The following KCNQ5 variants were observed in gnomAD, a reference collection of about 807,000 sequenced individuals.
KCNQ5 encodes the protein potassium voltage-gated channel subfamily KQT member 5.
In KCNQ5, 30 loss-of-function variants were observed where a neutral mutation model predicts 98.2. The ratio of observed to expected loss-of-function variants is 0.31; its 90% CI spans 0.23 to 0.41. The LOEUF (loss-of-function observed/expected upper bound fraction) is 0.41, where lower values mean the gene tolerates loss of function less well. Ranked by LOEUF, KCNQ5 falls within the 10% of genes least tolerant of loss-of-function variation. KCNQ5 has a pLI of 1.00. For missense variants in KCNQ5, 835 were observed against 1,182.5 expected (o/e 0.71, Z 4.31); for synonymous variants, 458 against 449.4 (o/e 1.02, Z -0.24).
intron 1 of KCNQ5, among the ~76,000 whole-genome samples, chr6:72,920,990 G>GA (rs2150216924): frequency 1.3e-5 from 2 of 152,200 alleles, no homozygotes; most frequent in African/African-American, 4.8e-5. Context: ...CCTGAAACAT[G>GA]AAAAAACACT....
At chr6:72,865,686 T>A (rs552292656) in intron 1 of KCNQ5, among the ~76,000 whole-genome samples, 1 of 152,256 alleles carries the variant, frequency 6.6e-6, no homozygotes, top group East Asian at 1.9e-4. Context: ...GGGCATATCA[T>A]TTGCTTAGTT....
intron 1 of KCNQ5, among the ~76,000 whole-genome samples, chr6:72,825,331 A>G (rs1378483151): frequency 6.6e-6 from 1 of 152,028 alleles, no homozygotes; most frequent in Non-Finnish European, 1.5e-5. Context: ...ACTGTATTTC[A>G]TTTATTTACT....
intron 3 of KCNQ5, among the ~76,000 whole-genome samples, chr6:73,049,646 A>G (rs561444152): frequency 3.3e-5 from 5 of 152,170 alleles, no homozygotes; most frequent in Non-Finnish European, 7.3e-5. Context: ...TCAGTGGAAA[A>G]CCATATTACA....
At chr6:73,004,221 T>A (rs1314441017) in intron 2 of KCNQ5, among the ~76,000 whole-genome samples, 1 of 152,218 alleles carries the variant, frequency 6.6e-6, no homozygotes, top group Non-Finnish European at 1.5e-5. Context: ...CAGCAATATC[T>A]TGTGTTGTAG....
chr6:72,847,735 C>T (rs772092849), intron 1 of KCNQ5, among the ~76,000 whole-genome samples: 5 of 152,094 alleles, frequency 3.3e-5, no homozygotes, highest in African/African-American at 4.8e-5. Flanking sequence ...TATGACCAAC[C>T]ACTTGTATTT....
At position 72,985,856 on chromosome 6, in the gene KCNQ5, A is replaced by G. The variant is rs569651164; in HGVS notation, c.399-18052A>G. Among the ~76,000 whole-genome samples the G allele has an allele frequency of 3.3e-5, 5 of 152,232 alleles. No individual in the cohort carries two copies. In the South Asian group the frequency reaches 1.0e-3, roughly 32 times the overall value. ...ATCATTACACCAAAAAGACATATGTACTCCTGTGTTCATTGCTGCACTATT... is the reference window on the plus strand; with the variant it reads ...ATCATTACACCAAAAAGACATATGTGCTCCTGTGTTCATTGCTGCACTATT... On this transcript the variant is annotated intron_variant, in intron 1 of 13. Coordinates refer to ENST00000370398, the MANE Select transcript of KCNQ5 (RefSeq NM_019842.4).
At chr6:72,718,416 G>A (rs1315774154) in intron 1 of KCNQ5, among the ~76,000 whole-genome samples, 1 of 147,116 alleles carries the variant, frequency 6.8e-6, no homozygotes, top group Non-Finnish European at 1.5e-5. Context: ...GAGGAGCTAA[G>A]CCAGGTCTTG....
chr6:72,632,289 G>A (rs1371717104), intron 1 of KCNQ5, among the ~76,000 whole-genome samples: 2 of 150,974 alleles, frequency 1.3e-5, no homozygotes, highest in African/African-American at 4.9e-5. Context: ...AGGCGCCCGC[G>A]ACCACCCCTG....
rs1775265550 is a variant in KCNQ5, at chr6:72,812,006, A to G, written c.398+189419A>G. On this transcript the variant is annotated intron_variant, in intron 1 of 13. Coordinates refer to ENST00000370398, the MANE Select transcript of KCNQ5 (RefSeq NM_019842.4). ...AGGACTGAGGTTTCCTCCCCTTTTT[A>G]GACCATATAGGGTGACTTCCTGACG... is the stretch of plus-strand genomic sequence containing the variant. Among the ~76,000 whole-genome samples the G allele has an allele frequency of 2.6e-5, 4 of 152,160 alleles. No individual in the cohort carries two copies. In the South Asian group the frequency reaches 8.3e-4, roughly 32 times the overall value.
chr6:72,840,191 A>C (rs1776729435), intron 1 of KCNQ5, among the ~76,000 whole-genome samples: 1 of 152,106 alleles, frequency 6.6e-6, no homozygotes, highest in African/African-American at 2.4e-5. Context: ...CTATATCTTG[A>C]CAATTGTGAG....
At chr6:73,193,172 C>T (rs916514957) in intron 13 of KCNQ5, among the ~76,000 whole-genome samples, 3 of 151,874 alleles carry the variant, frequency 2.0e-5, no homozygotes, top group Non-Finnish European at 2.9e-5. Context: ...AGGCATGCGC[C>T]ACCAAGACCG....
At chr6:72,701,590 T>C (rs1480847441) in intron 1 of KCNQ5, among the ~76,000 whole-genome samples, 1 of 152,168 alleles carries the variant, frequency 6.6e-6, no homozygotes, top group Non-Finnish European at 1.5e-5. Flanking sequence ...TTGTTTTGTT[T>C]TGTTTAGAGT....
intron 1 of KCNQ5, among the ~76,000 whole-genome samples, chr6:72,648,612 G>T (rs17749408): frequency 6.6e-6 from 1 of 151,666 alleles, no homozygotes; most frequent in East Asian, 1.9e-4. Flanking sequence ...TTTAGACTTG[G>T]TAGATACTAG....
intron 1 of KCNQ5, among the ~76,000 whole-genome samples, chr6:72,931,129 T>G (rs942046629): frequency 3.3e-5 from 5 of 152,284 alleles, no homozygotes; most frequent in African/African-American, 1.2e-4. Flanking sequence ...CCTGATGTCT[T>G]TTATTGCCCA....
chr6:72,764,397 A>G (rs1351330428), intron 1 of KCNQ5, among the ~76,000 whole-genome samples: 2 of 152,060 alleles, frequency 1.3e-5, no homozygotes, highest in Admixed American at 6.6e-5. Context: ...GCTGGCTACT[A>G]TGGGAAGTGC....
At chr6:72,836,231 CTA>C (rs1776496954) in intron 1 of KCNQ5, among the ~76,000 whole-genome samples, 1 of 152,062 alleles carries the variant, frequency 6.6e-6, no homozygotes, top group East Asian at 1.9e-4. Context: ...ATTAGATTAT[CTA>C]GTCAAGCTGC....
chr6:73,153,861 C>G (rs1777247424), intron 10 of KCNQ5, among the ~76,000 whole-genome samples: 1 of 149,918 alleles, frequency 6.7e-6, no homozygotes, highest in Non-Finnish European at 1.5e-5. Flanking sequence ...AATCCCAGTG[C>G]TAAGTTATGC....
chr6:72,662,051 C>T (rs1166185357), intron 1 of KCNQ5, among the ~76,000 whole-genome samples: 1 of 152,114 alleles, frequency 6.6e-6, no homozygotes, highest in Non-Finnish European at 1.5e-5. Context: ...TCTTCCTTCT[C>T]CTAAACCTCT....
At chr6:73,094,870 A>C (rs1582344783) in intron 5 of KCNQ5, among the ~76,000 whole-genome samples, 1 of 152,264 alleles carries the variant, frequency 6.6e-6, no homozygotes, top group Admixed American at 6.5e-5. Flanking sequence ...CCTTTGTCTT[A>C]ACTTTAGATT....
Sources: allele counts gnomAD v4.1 joint callset (sites outside exome capture counted in the v4.1 genomes callset), GRCh38; gene constraint gnomAD v4.1.1; transcripts MANE v1.5; gene names NCBI Gene and HGNC (gene_info 2026-07-23, HGNC 2026-07-21).